CCDC149: variants seen among roughly 807,000 people sequenced by gnomAD.
CCDC149 encodes coiled-coil domain containing 149, also known as coiled-coil domain-containing protein 149.
CCDC149 carries 45 observed loss-of-function variants against 59.9 expected under a neutral mutation model. The observed-to-expected ratio is 0.75, with a 90% CI of 0.59 to 0.96. The LOEUF (loss-of-function observed/expected upper bound fraction) is 0.96, where lower values mean the gene tolerates loss of function less well. Among genes scored for constraint, CCDC149 ranks in the 40% least tolerant of loss-of-function variants. The pLI, the probability that CCDC149 is intolerant of heterozygous loss-of-function variation, is 0.00. For synonymous variants in CCDC149, 245 were observed against 260.6 expected (o/e 0.94, Z 0.58); for missense variants, 584 against 664.7 (o/e 0.88, Z 1.33).
chr4:24,832,246 T>C (rs964157004), intron 8 of CCDC149, among the ~76,000 whole-genome samples: 1 of 152,210 alleles, frequency 6.6e-6, no homozygotes, highest in Non-Finnish European at 1.5e-5. Context: ...ATTTCACAGG[T>C]GCTACCACTT....
At chr4:24,911,294 TCTCA>T (rs753675157) in intron 1 of CCDC149, among the ~76,000 whole-genome samples, 10 of 152,236 alleles carry the variant, frequency 6.6e-5, no homozygotes, top group Non-Finnish European at 1.5e-4. Context: ...TTTAGTTCAC[TCTCA>T]CTGTCTACGG....
At chr4:24,968,297 T>G (rs1723862593) in intron 1 of CCDC149, among the ~76,000 whole-genome samples, 1 of 152,226 alleles carries the variant, frequency 6.6e-6, no homozygotes, top group African/African-American at 2.4e-5. Flanking sequence ...AGCACCTGTA[T>G]ATGCCGTCCT....
At chr4:24,841,104 C>A (rs1716906725) in intron 4 of CCDC149, among the ~76,000 whole-genome samples, 1 of 152,150 alleles carries the variant, frequency 6.6e-6, no homozygotes, top group African/African-American at 2.4e-5. Flanking sequence ...CACAGGAAGG[C>A]AAACGACAAG....
intron 3 of CCDC149, among the ~76,000 whole-genome samples, chr4:24,869,624 G>A (rs77063101): frequency 0.011 from 1,623 of 152,292 alleles, 15 homozygotes; most frequent in Non-Finnish European, 0.014. Flanking sequence ...AGCAGCAGGC[G>A]AGAAACATTG....
chr4:24,934,262 A>G (rs533250106), intron 1 of CCDC149, among the ~76,000 whole-genome samples: 1 of 152,116 alleles, frequency 6.6e-6, no homozygotes, highest in African/African-American at 2.4e-5. Flanking sequence ...TACTGTTCTC[A>G]TGGTAGTGAA....
chr4:24,925,497 C>T (rs779487450), intron 1 of CCDC149, among the ~76,000 whole-genome samples: 5 of 152,076 alleles, frequency 3.3e-5, no homozygotes, highest in South Asian at 2.1e-4. Context: ...AAAAACTTTG[C>T]GGTGTTTTGT....
chr4:24,966,178 C>A lies in CCDC149; in HGVS notation c.-65+13891G>T, dbSNP rs1014478542. 4.6e-5 allele frequency among the ~76,000 whole-genome samples: 7 copies of A among 152,294 alleles called. No individual in the cohort carries two copies. The East Asian group carries it at 1.4e-3, about 29-fold the overall frequency. On this transcript the variant is annotated intron_variant, in intron 1 of 12. Transcript: ENST00000389609. ...GGTTGGCACAAGGGCAACGTGACCA[C>A]ACCCTGGTTGAGTGGCTATGGGCAG...
intron 1 of CCDC149, among the ~76,000 whole-genome samples, chr4:24,975,389 T>G (rs1577517188): frequency 3.4e-5 from 2 of 59,290 alleles, no homozygotes; most frequent in African/African-American, 6.7e-5. Flanking sequence ...GAGGGGATCT[T>G]GAGGGGAGGG....
At chr4:24,956,922 T>A (rs6448320) in intron 1 of CCDC149, among the ~76,000 whole-genome samples, 83,474 of 152,056 alleles carry the variant, frequency 0.55, 24,390 homozygotes, top group Non-Finnish European at 0.66. Flanking sequence ...GAAAGAGCTC[T>A]GTACTAGGCC....
At chr4:24,968,963 G>A (rs1288304313) in intron 1 of CCDC149, among the ~76,000 whole-genome samples, 1 of 152,184 alleles carries the variant, frequency 6.6e-6, no homozygotes, top group African/African-American at 2.4e-5. Flanking sequence ...GCCACCACTG[G>A]CAATGATGAG....
At chr4:24,871,666 G>A (rs1358215091) in intron 3 of CCDC149, among the ~76,000 whole-genome samples, 1 of 152,050 alleles carries the variant, frequency 6.6e-6, no homozygotes, top group Non-Finnish European at 1.5e-5. Context: ...TGACTCAGTG[G>A]TTCCAACCCA....
intron 1 of CCDC149, among the ~76,000 whole-genome samples, chr4:24,952,331 C>G (rs1385639961): frequency 6.6e-6 from 1 of 151,802 alleles, no homozygotes; most frequent in East Asian, 1.9e-4. Context: ...GTGGCTCATC[C>G]CTGTAATCCC....
intron 1 of CCDC149, among the ~76,000 whole-genome samples, chr4:24,906,375 A>ATTTTATTTTATTTTATTTT (rs1721516744): frequency 7.6e-4 from 8 of 10,474 alleles, no homozygotes; most frequent in African/African-American, 1.1e-3. Context: ...ATTTTATTTT[A>ATTTTATTTTATTTTATTTT]TTTTATTTTA....
At chr4:24,812,784 C>T (rs961142851) in intron 12 of CCDC149, among the ~76,000 whole-genome samples, 1 of 152,194 alleles carries the variant, frequency 6.6e-6, no homozygotes, top group Non-Finnish European at 1.5e-5. Context: ...TATATGGCAG[C>T]AGGCAAGAGA....
At chr4:24,841,895 G>A (rs999309396) in intron 4 of CCDC149, among the ~76,000 whole-genome samples, 4 of 152,224 alleles carry the variant, frequency 2.6e-5, no homozygotes, top group African/African-American at 9.6e-5. Flanking sequence ...GGATTAAAAA[G>A]AGGAGGAAAG....
chr4:24,869,332 C>T (rs561787278), intron 3 of CCDC149, among the ~76,000 whole-genome samples: 10 of 152,282 alleles, frequency 6.6e-5, no homozygotes, highest in South Asian at 2.1e-4. Context: ...AGGAAGCAGG[C>T]GCAGAAAAGG....
intron 1 of CCDC149, among the ~76,000 whole-genome samples, chr4:24,881,003 C>T (rs1355367628): frequency 6.6e-6 from 1 of 152,180 alleles, no homozygotes. Flanking sequence ...GGGCTCCAGT[C>T]CAGAAGGTAC....
intron 1 of CCDC149, among the ~76,000 whole-genome samples, chr4:24,929,716 A>G (rs1301934169): frequency 6.6e-6 from 1 of 152,158 alleles, no homozygotes; most frequent in African/African-American, 2.4e-5. Flanking sequence ...TGCCTAGAAC[A>G]CCCACTCACA....
chr4:24,808,849 C>A (rs1560195163), intron 12 of CCDC149, 30 bp from the exon 13 acceptor site: 1 of 1,512,936 alleles, frequency 6.6e-7, no homozygotes, highest in Non-Finnish European at 8.9e-7. Context: ...AACATTAAAC[C>A]TCTGGCAGCA....
Sources: allele counts gnomAD v4.1 joint callset (sites outside exome capture counted in the v4.1 genomes callset), GRCh38; gene constraint gnomAD v4.1.1; transcripts MANE v1.5; gene names NCBI Gene and HGNC (gene_info 2026-07-23, HGNC 2026-07-21).